NR3C2: variants seen among roughly 807,000 people sequenced by gnomAD.
NR3C2 encodes the protein mineralocorticoid receptor.
NR3C2 carries 15 observed loss-of-function variants against 86.4 expected under a neutral mutation model. That is an observed-to-expected ratio of 0.17 (90% CI 0.12 to 0.27). The LOEUF (loss-of-function observed/expected upper bound fraction) is 0.27. Among genes scored for constraint, NR3C2 ranks in the 10% least tolerant of loss-of-function variants. NR3C2 has a pLI of 1.00. For synonymous variants in NR3C2, 458 were observed against 450.5 expected (o/e 1.02, Z -0.21); for missense variants, 960 against 1,195.6 (o/e 0.80, Z 2.91).
intron 2 of NR3C2, among the ~76,000 whole-genome samples, chr4:148,432,915 AAGAGAT>A (rs1749859348): frequency 1.3e-5 from 2 of 152,300 alleles, no homozygotes; most frequent in East Asian, 3.9e-4. Flanking sequence ...ATTAATCTAT[AAGAGAT>A]ATCAAATCAC....
At chr4:148,387,139 G>C (rs961309868) in intron 2 of NR3C2, among the ~76,000 whole-genome samples, 12 of 152,332 alleles carry the variant, frequency 7.9e-5, no homozygotes, top group African/African-American at 2.9e-4. Context: ...TCTTTAAGCG[G>C]ATTTGACTTT....
intron 2 of NR3C2, among the ~76,000 whole-genome samples, chr4:148,301,404 A>G (rs532127635): frequency 2.0e-4 from 31 of 152,328 alleles, no homozygotes; most frequent in Admixed American, 1.1e-3. Flanking sequence ...ATTTTTGCCT[A>G]GAGTTAAAGG....
intron 3 of NR3C2, among the ~76,000 whole-genome samples, chr4:148,226,859 T>A (rs4579099): frequency 2.0e-5 from 3 of 152,104 alleles, no homozygotes; most frequent in Non-Finnish European, 4.4e-5. Context: ...ATTTTTAAAA[T>A]GTGCTTATTG....
At chr4:148,328,577 C>A (rs1030828894) in intron 2 of NR3C2, among the ~76,000 whole-genome samples, 1 of 152,148 alleles carries the variant, frequency 6.6e-6, no homozygotes, top group Admixed American at 6.5e-5. Flanking sequence ...AAAGACCTCT[C>A]CTGAATAACA....
intron 8 of NR3C2, among the ~76,000 whole-genome samples, chr4:148,093,720 T>C (rs940608573): frequency 6.6e-6 from 1 of 152,172 alleles, no homozygotes; most frequent in Non-Finnish European, 1.5e-5. Flanking sequence ...AGAAATAGCC[T>C]TGTGAATATG....
intron 2 of NR3C2, among the ~76,000 whole-genome samples, chr4:148,348,189 A>G (rs1579189569): frequency 6.6e-6 from 1 of 152,000 alleles, no homozygotes; most frequent in South Asian, 2.1e-4. Flanking sequence ...CTCAAGTCAC[A>G]CTCTGTTTTG....
chr4:148,422,785 T>C (rs1184940209), intron 2 of NR3C2, among the ~76,000 whole-genome samples: 1 of 152,170 alleles, frequency 6.6e-6, no homozygotes, highest in East Asian at 1.9e-4. Flanking sequence ...GGGGGTATTT[T>C]TTTCTGTAGT....
chr4:148,378,807 C>T (rs1746808706), intron 2 of NR3C2, among the ~76,000 whole-genome samples: 1 of 152,176 alleles, frequency 6.6e-6, no homozygotes, highest in Non-Finnish European at 1.5e-5. Flanking sequence ...TTCTTTATAG[C>T]AGTGCGAGAA....
chr4:148,298,454 G>A (rs774776098), intron 2 of NR3C2, among the ~76,000 whole-genome samples: 1 of 152,168 alleles, frequency 6.6e-6, no homozygotes, highest in Non-Finnish European at 1.5e-5. Context: ...AGAATTGATA[G>A]GTTTTGGGTT....
chr4:148,192,344 C>T (rs996188942), intron 4 of NR3C2, among the ~76,000 whole-genome samples: 5 of 152,186 alleles, frequency 3.3e-5, no homozygotes, highest in Non-Finnish European at 7.3e-5. Flanking sequence ...GTCTATGGGT[C>T]TCTCAGGTGG....
At chr4:148,304,893 C>T (rs1742532763) in intron 2 of NR3C2, among the ~76,000 whole-genome samples, 1 of 148,190 alleles carries the variant, frequency 6.7e-6, no homozygotes, top group African/African-American at 2.5e-5. Flanking sequence ...GTTGGCAGGA[C>T]CCTTTTTTTT....
intron 2 of NR3C2, among the ~76,000 whole-genome samples, chr4:148,342,839 A>G (rs988225906): frequency 1.3e-5 from 2 of 152,158 alleles, no homozygotes; most frequent in African/African-American, 4.8e-5. Context: ...CTGTATTTTT[A>G]CTAGAAATTG....
At chr4:148,309,159 A>C (rs984336247) in intron 2 of NR3C2, among the ~76,000 whole-genome samples, 4 of 152,208 alleles carry the variant, frequency 2.6e-5, no homozygotes, top group African/African-American at 9.6e-5. Context: ...TTATGTGTCA[A>C]TTTAAAAAAT....
chr4:148,416,621 C>T (rs1408482468), intron 2 of NR3C2, among the ~76,000 whole-genome samples: 1 of 152,200 alleles, frequency 6.6e-6, no homozygotes. Context: ...TGGATGCCAT[C>T]CAAGAGCGAT....
intron 2 of NR3C2, among the ~76,000 whole-genome samples, chr4:148,421,658 A>G (rs2126608435): frequency 6.6e-6 from 1 of 152,308 alleles, no homozygotes; most frequent in East Asian, 1.9e-4. Flanking sequence ...CATTTTCCCC[A>G]TTAATTTTAA....
chr4:148,236,425 G>A (rs1738753695), intron 3 of NR3C2, among the ~76,000 whole-genome samples: 1 of 151,980 alleles, frequency 6.6e-6, no homozygotes, highest in Non-Finnish European at 1.5e-5. Flanking sequence ...TTTCATATGG[G>A]TGAAAAGATA....
chr4:148,304,894 C>T (rs1037759432), intron 2 of NR3C2, among the ~76,000 whole-genome samples: 4 of 147,742 alleles, frequency 2.7e-5, no homozygotes, highest in African/African-American at 1.0e-4. Flanking sequence ...TTGGCAGGAC[C>T]CTTTTTTTTT....
At chr4:148,141,449 C>CAA (rs1733607260) in intron 6 of NR3C2, among the ~76,000 whole-genome samples, 1 of 151,026 alleles carries the variant, frequency 6.6e-6, no homozygotes, top group African/African-American at 2.4e-5. Flanking sequence ...CTCTCTCTCA[C>CAA]ACACACACAC....
At chr4:148,224,475 T>A (rs1002832422) in intron 3 of NR3C2, among the ~76,000 whole-genome samples, 3 of 152,206 alleles carry the variant, frequency 2.0e-5, no homozygotes, top group Admixed American at 2.0e-4. Flanking sequence ...TCTCTCCAGT[T>A]AGAACGAGTG....
Sources: gnomAD v4.1 joint callset for allele counts (sites outside exome capture counted in the v4.1 genomes callset) on GRCh38, gnomAD v4.1.1 for gene constraint, MANE v1.5 for transcripts, NCBI Gene and HGNC (gene_info 2026-07-23, HGNC 2026-07-21) for gene names.